Variants in GLIS3 observed in about 807,000 individuals in gnomAD.
GLIS3 encodes the protein GLIS family zinc finger 3.
A neutral mutation model predicts 78.6 loss-of-function variants in GLIS3; 53 were observed. The observed-to-expected ratio is 0.67, with a 90% CI of 0.54 to 0.85. The LOEUF is 0.85. Ranked by LOEUF, GLIS3 falls within the 40% of genes least tolerant of loss-of-function variation. GLIS3 has a pLI of 0.00. For missense variants in GLIS3, 1,703 were observed against 1,231.1 expected, an observed-to-expected ratio of 1.38 and a Z score of -5.74; for synonymous variants, 684 against 509.9, an observed-to-expected ratio of 1.34 and a Z score of -4.60.
intron 6 of GLIS3, among the ~76,000 whole-genome samples, chr9:3,927,711 T>A (rs1199315091): frequency 6.6e-6 from 1 of 152,194 alleles, no homozygotes; most frequent in Non-Finnish European, 1.5e-5. Flanking sequence ...TCCTAAATCC[T>A]GCAAATTATG....
chr9:3,864,586 A>G (rs916710603), intron 8 of GLIS3, among the ~76,000 whole-genome samples: 8 of 152,338 alleles, frequency 5.3e-5, no homozygotes, highest in East Asian at 1.9e-4. Context: ...AAAAGTCAAC[A>G]TAATCCATAC....
At chr9:4,262,820 C>A (rs7025288) in intron 2 of GLIS3, among the ~76,000 whole-genome samples, 32,373 of 150,702 alleles carry the variant, frequency 0.21, 3,621 homozygotes, top group Admixed American at 0.26. Flanking sequence ...CAGCTTTTCA[C>A]AGATATGACT....
chr9:3,997,681 A>T (rs1805213494), intron 4 of GLIS3, among the ~76,000 whole-genome samples: 1 of 152,122 alleles, frequency 6.6e-6, no homozygotes, highest in Admixed American at 6.5e-5. Context: ...AGGAATAAAA[A>T]AAAATAGCAA....
intron 9 of GLIS3, among the ~76,000 whole-genome samples, chr9:3,851,080 G>A (rs1370153341): frequency 1.3e-5 from 2 of 152,210 alleles, no homozygotes; most frequent in African/African-American, 2.4e-5. Flanking sequence ...TGAACTTGGT[G>A]TCTCCTTGAT....
chr9:4,041,538 T>A lies in GLIS3; in HGVS notation c.1710+76230A>T, dbSNP rs1045189182. Reference sequence around the variant, plus strand: ...CAGAGCTCCATTTTTAGTGTGTGTGTGTCTCTGTGATGTTATCAGGTGCCT... The same window carrying A: ...CAGAGCTCCATTTTTAGTGTGTGTGAGTCTCTGTGATGTTATCAGGTGCCT... On this transcript the variant is annotated intron_variant, in intron 4 of 10. Transcript: ENST00000381971. Among the ~76,000 whole-genome samples the A allele has an allele frequency of 2.6e-5, 4 of 152,342 alleles. No homozygotes were observed. In the South Asian group the frequency reaches 8.3e-4, roughly 32 times the overall value.
At chr9:4,159,584 T>G (rs5027096) in intron 2 of GLIS3, among the ~76,000 whole-genome samples, 1 of 151,954 alleles carries the variant, frequency 6.6e-6, no homozygotes, top group Admixed American at 6.5e-5. Flanking sequence ...CTGGGCATGG[T>G]GGCACATGCC....
At chr9:4,054,175 T>A (rs1825950003) in intron 4 of GLIS3, 2 of 226,076 alleles carry the variant, frequency 8.8e-6, no homozygotes, top group South Asian at 1.6e-4. Context: ...GTCACAGGAC[T>A]CTCTGGTGGC....
chr9:4,200,853 T>C (rs562081761), intron 2 of GLIS3, among the ~76,000 whole-genome samples: 8 of 152,240 alleles, frequency 5.3e-5, no homozygotes, highest in Admixed American at 3.9e-4. Context: ...AAGGATCACC[T>C]TGAGACCAAA....
chr9:4,056,898 CT>C (rs34752011), intron 4 of GLIS3, among the ~76,000 whole-genome samples: 18,049 of 97,804 alleles, frequency 0.18, 724 homozygotes, highest in South Asian at 0.34. Flanking sequence ...CTTCAAGACA[CT>C]TTTTTTTTTT....
At chr9:4,179,804 G>C (rs1378416244) in intron 2 of GLIS3, among the ~76,000 whole-genome samples, 1 of 151,988 alleles carries the variant, frequency 6.6e-6, no homozygotes, top group Non-Finnish European at 1.5e-5. Context: ...CAGCTACCCA[G>C]GAGGCTGAGG....
chr9:4,446,454 T>C, the GLIS3 span, among the ~76,000 whole-genome samples: 1 of 151,818 alleles, frequency 6.6e-6, no homozygotes, highest in Non-Finnish European at 1.5e-5. Flanking sequence ...CAGTGTAAGG[T>C]AGTTTGTTGT....
At chr9:4,233,652 T>A (rs1189885560) in intron 2 of GLIS3, among the ~76,000 whole-genome samples, 2 of 152,196 alleles carry the variant, frequency 1.3e-5, no homozygotes, top group African/African-American at 4.8e-5. Flanking sequence ...TTCAAAATGG[T>A]AAATGAACAC....
chr9:3,909,335 G>A (rs968749690), intron 6 of GLIS3, among the ~76,000 whole-genome samples: 1 of 152,200 alleles, frequency 6.6e-6, no homozygotes. Context: ...CCTTAGCACT[G>A]ACATGTAGGA....
chr9:4,355,466 C>T, the GLIS3 span, among the ~76,000 whole-genome samples: 7 of 152,184 alleles, frequency 4.6e-5, no homozygotes, highest in East Asian at 1.9e-4. Context: ...TAACTTGGCA[C>T]GAAATAGACA....
chr9:4,401,656 C>A, the GLIS3 span, among the ~76,000 whole-genome samples: 1 of 151,894 alleles, frequency 6.6e-6, no homozygotes, highest in Non-Finnish European at 1.5e-5. Flanking sequence ...CAACCTCTGC[C>A]TCCTGGGTTC....
intron 2 of GLIS3, among the ~76,000 whole-genome samples, chr9:4,212,475 A>C (rs996053227): frequency 2.0e-5 from 3 of 152,224 alleles, no homozygotes; most frequent in Non-Finnish European, 4.4e-5. Flanking sequence ...TTGCAGTCCC[A>C]GGGCTGAGGG....
chr9:4,172,434 G>A (rs1816451507), intron 2 of GLIS3, among the ~76,000 whole-genome samples: 1 of 152,140 alleles, frequency 6.6e-6, no homozygotes, highest in Non-Finnish European at 1.5e-5. Context: ...CATTAATTGG[G>A]AATCTGGAGT....
chr9:4,062,878 G>C (rs987865703), intron 4 of GLIS3, among the ~76,000 whole-genome samples: 7 of 151,674 alleles, frequency 4.6e-5, no homozygotes, highest in Non-Finnish European at 8.8e-5. Flanking sequence ...GCAGTGAGCT[G>C]AGATCATGCC....
chr9:4,197,039 C>T (rs1042182386), intron 2 of GLIS3, among the ~76,000 whole-genome samples: 3 of 152,178 alleles, frequency 2.0e-5, no homozygotes, highest in Non-Finnish European at 4.4e-5. Flanking sequence ...TGCAGTGGGG[C>T]TCTGCTCCAT....
Sources: gnomAD v4.1 joint callset for allele counts (sites outside exome capture counted in the v4.1 genomes callset) on GRCh38, gnomAD v4.1.1 for gene constraint, MANE v1.5 for transcripts, NCBI Gene and HGNC (gene_info 2026-07-23, HGNC 2026-07-21) for gene names.